The following ACACA variants were observed in gnomAD, a reference collection of about 807,000 sequenced individuals.
The protein encoded by ACACA is acetyl-CoA carboxylase 1.
A neutral mutation model predicts 296.1 loss-of-function variants in ACACA; 103 were observed. The ratio of observed to expected loss-of-function variants is 0.35; its 90% CI spans 0.30 to 0.41. The LOEUF (loss-of-function observed/expected upper bound fraction) is 0.41, where lower values mean the gene tolerates loss of function less well. Ranked by LOEUF, ACACA falls within the 10% of genes least tolerant of loss-of-function variation. The pLI is 1.00. For missense variants in ACACA, 1,554 were observed against 2,989.7 expected (o/e 0.52, Z 11.20); for synonymous variants, 953 against 1,038.6 (o/e 0.92, Z 1.58).
chr17:37,201,805 T>C (rs561829860), intron 33 of ACACA, among the ~76,000 whole-genome samples: 1 of 152,344 alleles, frequency 6.6e-6, no homozygotes, highest in African/African-American at 2.4e-5. Context: ...CATGATATTA[T>C]ATATTTTTTA....
intron 41 of ACACA, among the ~76,000 whole-genome samples, chr17:37,167,271 T>C (rs1163385361): frequency 7.6e-5 from 5 of 66,156 alleles, no homozygotes; most frequent in African/African-American, 5.4e-4. Flanking sequence ...TGGTATTTTC[T>C]TTTTTTTTTT....
At chr17:37,240,590 A>G in intron 23 of ACACA, 26 bp from the exon 24 acceptor site, 1 of 1,596,758 alleles carries the variant, frequency 6.3e-7, no homozygotes, top group South Asian at 1.1e-5. Flanking sequence ...GTCTCCACTG[A>G]AAAACCTGAC....
At chr17:37,272,564 TA>T (rs972006233) in intron 9 of ACACA, among the ~76,000 whole-genome samples, 24 of 146,364 alleles carry the variant, frequency 1.6e-4, no homozygotes, top group African/African-American at 3.3e-4. Flanking sequence ...GAGAAAGACT[TA>T]AAAAAAAAAG....
chr17:37,212,962 A>C (rs910699277), intron 29 of ACACA, among the ~76,000 whole-genome samples: 57 of 151,952 alleles, frequency 3.8e-4, no homozygotes, highest in Admixed American at 1.2e-3. Context: ...CGAGTCAAAT[A>C]TTCCATTTAT....
At chr17:37,160,236 C>G (rs1038668803) in intron 42 of ACACA, among the ~76,000 whole-genome samples, 4 of 151,990 alleles carry the variant, frequency 2.6e-5, no homozygotes, top group African/African-American at 9.7e-5. Context: ...TGCTGATGCA[C>G]AAAAGAGCAG....
At chr17:37,390,197 ATATATATAATTATATATTTAT>A (rs2050749864) in intron 1 of ACACA, among the ~76,000 whole-genome samples, 1 of 81,114 alleles carries the variant, frequency 1.2e-5, no homozygotes, top group African/African-American at 5.9e-5. Context: ...TTATATATAA[ATATATATAATTATATATTTAT>A]TATATATAAT....
At chr17:37,234,016 G>C (rs2079989288) in intron 25 of ACACA, among the ~76,000 whole-genome samples, 1 of 152,188 alleles carries the variant, frequency 6.6e-6, no homozygotes, top group Non-Finnish European at 1.5e-5. Flanking sequence ...AATCAGAGGT[G>C]TATGGTAGAT....
intron 1 of ACACA, chr17:37,379,470 C>A (rs1241642743): frequency 1.4e-6 from 2 of 1,447,018 alleles, no homozygotes; most frequent in African/African-American, 1.4e-5. Flanking sequence ...GGAAAAGCTA[C>A]AAGAAAATGA....
At chr17:37,267,388 T>C (rs2081834988) in intron 10 of ACACA, among the ~76,000 whole-genome samples, 1 of 152,192 alleles carries the variant, frequency 6.6e-6, no homozygotes, top group Admixed American at 6.5e-5. Flanking sequence ...CCTCTCCTTC[T>C]CTAGTAGGCT....
At chr17:37,337,415 CAAAAAAAAAAAAAAAAAGAAAAGT>C (rs371228665) in intron 2 of ACACA, among the ~76,000 whole-genome samples, 51 of 94,338 alleles carry the variant, frequency 5.4e-4, no homozygotes, top group African/African-American at 2.0e-3. Context: ...GACCCTGTCT[CAAAAAAAAAAAAAAAAAGAAAAGT>C]AAAGAAAACT....
At chr17:37,195,811 T>C (rs2077969442) in intron 35 of ACACA, among the ~76,000 whole-genome samples, 1 of 152,198 alleles carries the variant, frequency 6.6e-6, no homozygotes, top group Admixed American at 6.5e-5. Flanking sequence ...ACTGCCAGTT[T>C]TTCCACTGAA....
chr17:37,399,675 G>T (rs2051215478), intron 1 of ACACA, among the ~76,000 whole-genome samples: 1 of 152,202 alleles, frequency 6.6e-6, no homozygotes, highest in Non-Finnish European at 1.5e-5. Context: ...ACATGAGAAA[G>T]AAGTCAGTAA....
intron 1 of ACACA, among the ~76,000 whole-genome samples, chr17:37,373,397 G>A (rs996808165): frequency 6.6e-6 from 1 of 152,018 alleles, no homozygotes; most frequent in African/African-American, 2.4e-5. Context: ...AGAGACATGC[G>A]CTACCACTCC....
chr17:37,403,890 C>T (rs1222762768), intron 1 of ACACA, among the ~76,000 whole-genome samples: 1 of 151,148 alleles, frequency 6.6e-6, no homozygotes, highest in African/African-American at 2.4e-5. Flanking sequence ...GCAATTCTTG[C>T]GCCTCCCAAG....
intron 54 of ACACA, among the ~76,000 whole-genome samples, chr17:37,090,650 G>A (rs1218947275): frequency 6.6e-6 from 1 of 152,152 alleles, no homozygotes; most frequent in African/African-American, 2.4e-5. Context: ...TGTCACATCA[G>A]CCCCTATCCA....
At chr17:37,320,883 G>C (rs975243837) in intron 3 of ACACA, among the ~76,000 whole-genome samples, 1 of 151,350 alleles carries the variant, frequency 6.6e-6, no homozygotes, top group Non-Finnish European at 1.5e-5. Context: ...GGAGGCAGAG[G>C]TTGCAGTGAG....
intron 1 of ACACA, chr17:37,391,604 C>G (rs1406825446): frequency 1.3e-6 from 2 of 1,565,806 alleles, no homozygotes; most frequent in Admixed American, 1.7e-5. Flanking sequence ...GAACTATACA[C>G]TTGCATCCTT....
At chr17:37,244,971 C>G (rs1480450982) in intron 20 of ACACA, 109 bp downstream of exon 20, 1 of 1,530,312 alleles carries the variant, frequency 6.5e-7, no homozygotes, top group Admixed American at 1.7e-5. Flanking sequence ...TAATAGGGGA[C>G]AAAGCTAAAG....
At chr17:37,124,148 C>T (rs917655720) in intron 48 of ACACA, among the ~76,000 whole-genome samples, 1 of 152,182 alleles carries the variant, frequency 6.6e-6, no homozygotes, top group African/African-American at 2.4e-5. Flanking sequence ...ATATTTATTT[C>T]TTGAAATGCC....
Sources: gnomAD v4.1 joint callset for allele counts (sites outside exome capture counted in the v4.1 genomes callset) on GRCh38, gnomAD v4.1.1 for gene constraint, MANE v1.5 for transcripts, NCBI Gene and HGNC (gene_info 2026-07-23, HGNC 2026-07-21) for gene names.